The following CACNA1C variants were observed in gnomAD, a reference collection of about 807,000 sequenced individuals.
The protein encoded by CACNA1C is voltage-dependent L-type calcium channel subunit alpha-1C.
CACNA1C carries 30 observed loss-of-function variants against 229.0 expected under a neutral mutation model. The observed-to-expected ratio is 0.13, with a 90% confidence interval of 0.10 to 0.18. The LOEUF (loss-of-function observed/expected upper bound fraction) is 0.18, where lower values mean the gene tolerates loss of function less well. Among genes scored for constraint, CACNA1C ranks in the 10% least tolerant of loss-of-function variants. The probability of loss-of-function intolerance (pLI) is 1.00; values close to 1 mark genes in which losing one functional copy is unlikely to be tolerated. For synonymous variants in CACNA1C, 1,114 were observed against 1,132.5 expected (o/e 0.98, Z 0.33); for missense variants, 1,658 against 2,845.0 (o/e 0.58, Z 9.49).
At position 2,378,779 on chromosome 12, in the gene CACNA1C, G is replaced by GTCCTTCCTTCCT. The variant is rs146245294; in HGVS notation, c.478-70168_478-70157dup. 2.5e-3 allele frequency among the ~76,000 whole-genome samples: 357 copies of GTCCTTCCTTCCT among 144,124 alleles called. 3 individuals are homozygous for GTCCTTCCTTCCT. Among genetic ancestry groups the GTCCTTCCTTCCT allele is most frequent in the Middle Eastern group, 0.014 (4 of 290 alleles). 94.6% of individuals were successfully genotyped at this position (144,124 alleles called of 152,430 possible). A position where few individuals can be genotyped will look rare whatever the true frequency, so the allele number is the denominator to read the frequency against. ...TTGTTCTTTTTGTTTGTTTATTTGG[G>GTCCTTCCTTCCT]TCCTTCCTTCCTTCCTTCCTTCCTT... is the stretch of plus-strand genomic sequence containing the variant. On this transcript the variant is annotated intron_variant, in intron 3 of 46. Coordinates refer to ENST00000399655, the MANE Select transcript of CACNA1C (RefSeq NM_000719.7).
chr12:2,615,823 G>T (rs373831719), intron 29 of CACNA1C, among the ~76,000 whole-genome samples: 1 of 151,714 alleles, frequency 6.6e-6, no homozygotes, highest in Non-Finnish European at 1.5e-5. Flanking sequence ...AAGGGTACTG[G>T]GGGGGAGGAG....
In CACNA1C at chr12:2,075,053, C is replaced by A. The variant is rs182397553; in HGVS notation, c.49+21442C>A. ...CATTTACTTAACATAAATCAGTTCC[C>A]TGAGTGTGAGTGTCTTAATGCATTC... is the stretch of plus-strand genomic sequence containing the variant. On this transcript the variant is annotated intron_variant, in intron 1 of 46. Coordinates refer to ENST00000399655, the MANE Select transcript of CACNA1C (RefSeq NM_000719.7). Among the ~76,000 whole-genome samples, 11 of 152,330 alleles carry A rather than the reference C, an allele frequency of 7.2e-5. No individual in the cohort carries two copies. In the East Asian group the frequency reaches 2.1e-3, roughly 29 times the overall value.
At chr12:2,185,652 G>A (rs1160224071) in intron 3 of CACNA1C, among the ~76,000 whole-genome samples, 1 of 152,206 alleles carries the variant, frequency 6.6e-6, no homozygotes, top group African/African-American at 2.4e-5. Flanking sequence ...AGCCATGGCG[G>A]GAGGCCTCAT....
rs1240958289 is a variant in CACNA1C at position 2,034,563 on chromosome 12, T to C, written c.139+63362T>C. Among the ~76,000 whole-genome samples the C allele has an allele frequency of 6.6e-6, 1 of 152,170 alleles. No homozygotes were observed. Among genetic ancestry groups the C allele is most frequent in the Non-Finnish European group, 1.5e-5 (1 of 68,040 alleles). ...AAGAGTCCCTCTTAATACTTTCTGT[T>C]TTATTACTCTAAAGTAAACTTCCCC... On this transcript the variant is annotated intron_variant, in intron 1 of 46. Transcript: ENST00000682462. This position sits in a 1 kb window ranked among gnomAD's most constrained non-coding sequence, Gnocchi z 4.1.
At chr12:2,231,661 C>A (rs370072304) in intron 3 of CACNA1C, among the ~76,000 whole-genome samples, 1 of 152,100 alleles carries the variant, frequency 6.6e-6, no homozygotes, top group African/African-American at 2.4e-5. Flanking sequence ...TTGCAAGCAG[C>A]GCCCGGTACA....
chr12:2,186,689 AT>A (rs2097026275), intron 3 of CACNA1C, among the ~76,000 whole-genome samples: 1 of 152,104 alleles, frequency 6.6e-6, no homozygotes, highest in African/African-American at 2.4e-5. Flanking sequence ...TCATAATGGG[AT>A]TTCTTAAGTG....
chr12:2,184,841 G>A (rs999283802), intron 3 of CACNA1C, among the ~76,000 whole-genome samples: 2 of 152,064 alleles, frequency 1.3e-5, no homozygotes, highest in East Asian at 1.9e-4. Context: ...TCCCACTTCC[G>A]CTATCCCCAA....
intron 1 of CACNA1C, chr12:2,004,295 C>G (rs1455715764): frequency 2.5e-6 from 4 of 1,613,186 alleles, no homozygotes; most frequent in South Asian, 2.2e-5. Flanking sequence ...CTCGTTGGCC[C>G]GATGGCCGAA....
chr12:2,037,028 C>G (rs56305330), intron 1 of CACNA1C, among the ~76,000 whole-genome samples: 7,694 of 152,228 alleles, frequency 0.051, 267 homozygotes, highest in Middle Eastern at 0.078. Flanking sequence ...GCTTACTTTG[C>G]TATGTATGTC....
chr12:2,221,427 C>T (rs1381495965), intron 3 of CACNA1C, among the ~76,000 whole-genome samples: 1 of 152,074 alleles, frequency 6.6e-6, no homozygotes. Flanking sequence ...AGAATTTGGC[C>T]AGTGGGATGA....
At position 2,633,568 on chromosome 12, in the gene CACNA1C, C is replaced by G; in HGVS notation, c.3829-729C>G. 2 of 954,994 alleles carry G rather than the reference C, an allele frequency of 2.1e-6. No homozygotes were observed. Among genetic ancestry groups the G allele is most frequent in the Non-Finnish European group, 3.4e-6 (2 of 581,692 alleles). 59.2% of individuals were successfully genotyped at this position (954,994 alleles called of 1,614,324 possible). ...CGATGATTCTGATGGTGGTGTTGCT[C>G]TGTTCTTGTCTGTCTAATATTCCTT... On this transcript the variant is annotated intron_variant, in intron 29 of 46. Transcript: ENST00000399655. This position sits in a 1 kb window ranked among gnomAD's most constrained non-coding sequence, Gnocchi z 5.8.
Position 2,608,614 on chromosome 12 carries a change from G to A in CACNA1C, c.3460G>A (p.Ala1154Thr), listed in dbSNP as rs1601930985. The A allele has an allele frequency of 1.9e-6, 3 of 1,609,670 alleles. No individual in the cohort carries two copies. Among genetic ancestry groups the A allele is most frequent in the African/African-American group, 1.3e-5 (1 of 74,928 alleles). Residue 1154 changes from alanine (A) to threonine (T), a missense_variant, in exon 27 of 47, where the codon GCC becomes ACC. Coordinates refer to ENST00000399655, the MANE Select transcript of CACNA1C (RefSeq NM_000719.7). This position sits in a 1 kb window ranked among gnomAD's most constrained non-coding sequence, Gnocchi z 4.2. The part of the protein sequence containing the change: ...IFFIIYIIII[A>T]FFMMNIFVGF... ...CTTCATCATCTACATCATCATCATC[G>A]CCTTCTTCATGATGAACATCTTCGT... is the stretch of plus-strand genomic sequence containing the variant.
intron 3 of CACNA1C, among the ~76,000 whole-genome samples, chr12:2,155,867 G>A (rs996189927): frequency 8.5e-5 from 13 of 152,140 alleles, no homozygotes; most frequent in Admixed American, 8.5e-4. Context: ...TTTTGAACCT[G>A]AGGATTTTTT....
Position 2,374,842 on chromosome 12 carries a change from C to T in CACNA1C, c.478-74134C>T, listed in dbSNP as rs575341555. On this transcript the variant is annotated intron_variant, in intron 3 of 46. Transcript: ENST00000399655. ...GGGAAAGCAAACAATGAGGCAGAAG[C>T]GCGTTTCCTCACTCTGAAAGGCATG... is the stretch of plus-strand genomic sequence containing the variant. Among the ~76,000 whole-genome samples the T allele has an allele frequency of 1.0e-3, 153 of 152,312 alleles. 1 individual carries two copies. Among genetic ancestry groups the T allele is most frequent in the African/African-American group, 3.5e-3 (144 of 41,564 alleles).
At chr12:2,115,606 C>T (rs981752792) in intron 2 of CACNA1C, 61 bp downstream of exon 2, 56 of 1,540,746 alleles carry the variant, frequency 3.6e-5, no homozygotes, top group African/African-American at 6.8e-5. Context: ...TCCAGCCCTC[C>T]GAGGCTCCCT....
intron 7 of CACNA1C, among the ~76,000 whole-genome samples, chr12:2,500,618 C>T (rs945110117): frequency 3.3e-5 from 5 of 152,136 alleles, no homozygotes; most frequent in African/African-American, 7.2e-5. Context: ...GCTGCTCCCA[C>T]GTGTCCTGAA....
chr12:2,638,194 G>A (rs1020762152), intron 30 of CACNA1C, among the ~76,000 whole-genome samples: 5 of 152,194 alleles, frequency 3.3e-5, no homozygotes, highest in South Asian at 2.1e-4. Context: ...GATGATAGAC[G>A]TTTTAGGAAA....
At chr12:2,470,738 A>T (rs909883153) in intron 5 of CACNA1C, among the ~76,000 whole-genome samples, 34 of 152,242 alleles carry the variant, frequency 2.2e-4, no homozygotes, top group African/African-American at 7.5e-4. Context: ...CACAGGAAGC[A>T]CTCAGCAAAT....
rs1369892518 is a variant in CACNA1C, at chr12:2,589,996, C to T, written c.2531-3217C>T. ...TATCCACCACCTGTGCTCCTTGTGC[C>T]CCAAGGCACTGCTCCGGGTGTCTGG... On this transcript the variant is annotated intron_variant, in intron 18 of 46. Transcript: ENST00000399655. Among the ~76,000 whole-genome samples, 3 of 152,136 alleles carry T rather than the reference C, an allele frequency of 2.0e-5. No individual in the cohort carries two copies. The East Asian group carries it at 5.8e-4, about 29-fold the overall frequency.
Sources: allele counts gnomAD v4.1 joint callset (sites outside exome capture counted in the v4.1 genomes callset), GRCh38; gene constraint gnomAD v4.1.1; non-coding constraint Gnocchi (gnomAD v3.1); transcripts MANE v1.5; gene names NCBI Gene and HGNC (gene_info 2026-07-23, HGNC 2026-07-21).